RDH8: variants seen among roughly 807,000 people sequenced by gnomAD.
RDH8 encodes the protein retinol dehydrogenase 8, also known as photoreceptor outer segment all-trans retinol dehydrogenase.
Under a neutral mutation model 22.3 loss-of-function variants are expected in RDH8, and 14 were observed. The observed-to-expected ratio is 0.63, with a 90% CI of 0.42 to 0.98. The LOEUF (loss-of-function observed/expected upper bound fraction) is 0.98. Ranked by LOEUF, RDH8 falls within the 50% of genes least tolerant of loss-of-function variation. The probability of loss-of-function intolerance (pLI) is 0.00; values close to 1 mark genes in which losing one functional copy is unlikely to be tolerated. For missense variants in RDH8, 389 were observed against 409.8 expected (o/e 0.95, Z 0.44); for synonymous variants, 175 against 171.7 (o/e 1.02, Z -0.15).
intron 3 of RDH8, among the ~76,000 whole-genome samples, chr19:10,020,362 A>AGGAGGG (rs372028191): frequency 8.2e-6 from 1 of 121,766 alleles, no homozygotes. Context: ...GGGAGGGAGG[A>AGGAGGG]AGGAAGGAAG....
chr19:10,019,536 T>A (rs2087642685), intron 3 of RDH8, among the ~76,000 whole-genome samples: 2 of 152,056 alleles, frequency 1.3e-5, no homozygotes, highest in Admixed American at 1.3e-4. Flanking sequence ...CGGTGACTCA[T>A]GCCTGTAATC....
In RDH8 at chr19:10,021,245, T is replaced by C. The variant is rs1385935279; in HGVS notation, c.537-10T>C. The C allele has an allele frequency of 6.2e-7, 1 of 1,613,744 alleles. No homozygotes were observed. The highest frequency in any genetic ancestry group is 8.5e-7 in the Non-Finnish European group (1 of 1,179,874). The stretch of plus-strand genomic sequence containing the variant: ...GCATCAGACTTACACTACCCATGCC[T>C]GGTCGCCAGCATCTCCCTGGTGGAG... On this transcript the variant is annotated splice_polypyrimidine_tract_variant and intron_variant, in intron 4 of 5. Transcript: ENST00000591589.
At position 10,021,409 on chromosome 19, in the gene RDH8, G is replaced by A. The variant is rs201057442; in HGVS notation, c.691G>A (p.Val231Met). 6.6e-5 allele frequency: 106 copies of A among 1,613,920 alleles called. 1 individual carries two copies. Among genetic ancestry groups the A allele is most frequent in the Middle Eastern group, 1.6e-4 (1 of 6,082 alleles). ...AGCCTCCAGGAAGCTGTTTTGCTCC[G>A]TGGGACAGAACCCACAGGACGTGGT... is the stretch of plus-strand genomic sequence containing the variant. ...LPASRKLFCS[V>M]GQNPQDVVQA... Residue 231 changes from valine (V) to methionine (M), a missense_variant, in exon 5 of 6, where the codon GTG becomes ATG. Physicochemically the swap from Val to Met is conservative, Grantham distance 21 (BLOSUM62 1). Coordinates refer to ENST00000591589, the MANE Select transcript of RDH8 (RefSeq NM_015725.4).
At chr19:10,019,496 C>T (rs1404207052) in intron 3 of RDH8, among the ~76,000 whole-genome samples, 1 of 151,822 alleles carries the variant, frequency 6.6e-6, no homozygotes, top group Non-Finnish European at 1.5e-5. Flanking sequence ...CTCATCACTA[C>T]TAAAAATTTT....
rs2087625097 is a variant in RDH8 at position 10,017,118 on chromosome 19, T to C, written c.165T>C (p.Ala55=). The change falls in exon 2 of 6, where the codon GCT becomes GCC. Residue 55 remains alanine, a synonymous_variant. Transcript: ENST00000591589. The stretch of plus-strand genomic sequence containing the variant: ...CACTGGAGGCAGCTGCTGGGGAGGC[T>C]CTGGGGCAGACCCTCACCGTGGCCC... ...KETLEAAAGE[A]LGQTLTVAQL... The C allele has an allele frequency of 6.2e-7, 1 of 1,609,278 alleles. No homozygotes were observed. The highest frequency in any genetic ancestry group is 1.1e-5 in the South Asian group (1 of 90,360).
chr19:10,018,307 G>A (rs1345849482), intron 2 of RDH8, among the ~76,000 whole-genome samples: 1 of 152,172 alleles, frequency 6.6e-6, no homozygotes, highest in Non-Finnish European at 1.5e-5. Context: ...GAGGCCTGGA[G>A]GTGGGGCAGA....
At chr19:10,020,458 G>A (rs1248497599) in intron 3 of RDH8, among the ~76,000 whole-genome samples, 2 of 151,902 alleles carry the variant, frequency 1.3e-5, no homozygotes, top group Admixed American at 6.6e-5. Flanking sequence ...AGAATGGAGG[G>A]AAATAGGGGA....
chr19:10,015,553 G>A (rs1021383893), intron 1 of RDH8, among the ~76,000 whole-genome samples: 4 of 151,954 alleles, frequency 2.6e-5, no homozygotes, highest in African/African-American at 7.2e-5. Flanking sequence ...TGCTTGAACC[G>A]GGAGACAGAG....
chr19:10,021,639 C>G lies in RDH8; in HGVS notation c.826C>G (p.Leu276Val). ...TLKTVDSSGSLYVRTTHRLLF... is the reference protein window; with the variant it reads ...TLKTVDSSGSVYVRTTHRLLF... ...CAAAACCGTGGATTCCTCTGGCAGC[C>G]TGTATGTGCGAACGACCCACCGCCT... is the stretch of plus-strand genomic sequence containing the variant. The change falls in exon 6 of 6, where the codon CTG (leucine) becomes GTG (valine). Residue 276 changes from leucine (L) to valine (V), a missense_variant. By Grantham distance (32) the Leu-to-Val change is conservative. Transcript: ENST00000591589. 1.2e-6 allele frequency: 2 copies of G among 1,613,704 alleles called. No homozygotes were observed. Among genetic ancestry groups the G allele is most frequent in the South Asian group, 2.2e-5 (2 of 91,052 alleles).
At chr19:10,021,484 C>T (rs752173739) in intron 5 of RDH8, 46 bp downstream of exon 5, 112 of 1,613,490 alleles carry the variant, frequency 6.9e-5, no homozygotes, top group Non-Finnish European at 8.5e-5. Context: ...AGGTATGTTG[C>T]GGGGTGAGGC....
chr19:10,018,406 A>T (rs1436437327), intron 2 of RDH8, among the ~76,000 whole-genome samples: 1 of 152,208 alleles, frequency 6.6e-6, no homozygotes, highest in South Asian at 2.1e-4. Flanking sequence ...AGACAGCATG[A>T]TACAGAAATA....
chr19:10,018,906 G>A lies in RDH8; in HGVS notation c.438G>A (p.Leu146=), dbSNP rs150476971. 1.8e-4 allele frequency: 285 copies of A among 1,603,266 alleles called. No homozygotes were observed. The African/African-American group carries it at 3.3e-3, about 19-fold the overall frequency. ...TGGTGATCAGCAGTGTCATGGGCCT[G>A]CAGGGTGAGCTGTGGGGACCCAACC... ...HIVVISSVMG[L]QGVIFNDVYA... The change falls in exon 3 of 6, where the codon CTG becomes CTA. Residue 146 remains leucine, a synonymous_variant. Coordinates refer to ENST00000591589, the MANE Select transcript of RDH8 (RefSeq NM_015725.4).
intron 1 of RDH8, among the ~76,000 whole-genome samples, chr19:10,015,897 A>G (rs1377514217): frequency 6.6e-6 from 1 of 151,876 alleles, no homozygotes; most frequent in Non-Finnish European, 1.5e-5. Context: ...GGTTGCAGTG[A>G]GCCGAGATTG....
At chr19:10,014,332 G>C (rs1209035060) in intron 1 of RDH8, among the ~76,000 whole-genome samples, 1 of 152,212 alleles carries the variant, frequency 6.6e-6, no homozygotes, top group African/African-American at 2.4e-5. Context: ...ACAGCTTTGA[G>C]CATGACAGCC....
At chr19:10,020,300 AAAAAAG>A (rs1280086285) in intron 3 of RDH8, among the ~76,000 whole-genome samples, 4 of 147,932 alleles carry the variant, frequency 2.7e-5, no homozygotes, top group Admixed American at 6.9e-5. Context: ...ACACCTTATC[AAAAAAG>A]AAAAAGAAAA....
chr19:10,014,372 G>A (rs1242464409), intron 1 of RDH8, among the ~76,000 whole-genome samples: 1 of 152,174 alleles, frequency 6.6e-6, no homozygotes, highest in Admixed American at 6.5e-5. Flanking sequence ...AATAACGTGT[G>A]TCCCTATGGG....
chr19:10,021,808 T>C lies in RDH8; in HGVS notation c.*59T>C. 6.6e-7 allele frequency: 1 copy of C among 1,508,236 alleles called. No homozygotes were observed. Among genetic ancestry groups the C allele is most frequent in the Non-Finnish European group, 9.1e-7 (1 of 1,097,706 alleles). 93.4% of individuals were successfully genotyped at this position (1,508,236 alleles called of 1,614,324 possible). A position where few individuals can be genotyped will look rare whatever the true frequency, so the allele number is the denominator to read the frequency against. ...CAACCAGACCTCTTCATTCCACATC[T>C]AATTCAAAGGATGAACAGACTCTTC... On this transcript the variant is annotated 3_prime_UTR_variant, in exon 6 of 6. Coordinates refer to ENST00000591589, the MANE Select transcript of RDH8 (RefSeq NM_015725.4).
intron 2 of RDH8, 113 bp from the exon 3 acceptor site, chr19:10,018,618 C>T (rs1036196177): frequency 9.5e-5 from 75 of 790,730 alleles, no homozygotes; most frequent in South Asian, 7.0e-4. Flanking sequence ...ACCCAAGATA[C>T]CCTGGACTGG....
intron 2 of RDH8, among the ~76,000 whole-genome samples, chr19:10,017,448 A>G (rs958851770): frequency 4.6e-5 from 7 of 152,046 alleles, no homozygotes. Context: ...GGAGGCCGAG[A>G]CAGGAGGATT....
Sources: allele counts gnomAD v4.1 joint callset (sites outside exome capture counted in the v4.1 genomes callset), GRCh38; gene constraint gnomAD v4.1.1; transcripts MANE v1.5; gene names NCBI Gene and HGNC (gene_info 2026-07-23, HGNC 2026-07-21).